Variants in MYH11 observed in about 807,000 individuals in gnomAD.
MYH11 encodes the protein myosin-11.
In MYH11, 80 loss-of-function variants were observed where a neutral mutation model predicts 246.6. That is an observed-to-expected ratio of 0.32 (90% CI 0.27 to 0.39). The LOEUF (loss-of-function observed/expected upper bound fraction) is 0.39, where lower values mean the gene tolerates loss of function less well. Ranked by LOEUF, MYH11 falls within the 10% of genes least tolerant of loss-of-function variation. The pLI, the probability that MYH11 is intolerant of heterozygous loss-of-function variation, is 1.00. For synonymous variants in MYH11, 1,071 were observed against 1,015.5 expected, an observed-to-expected ratio of 1.05 and a Z score of -1.04; for missense variants, 2,158 against 2,546.8, an observed-to-expected ratio of 0.85 and a Z score of 3.29.
At position 15,715,078 on chromosome 16, in the gene MYH11, C is replaced by T; in HGVS notation, c.5617G>A (p.Glu1873Lys). The T allele has an allele frequency of 6.2e-7, 1 of 1,612,932 alleles. No homozygotes were observed. Among genetic ancestry groups the T allele is most frequent in the Non-Finnish European group, 8.5e-7 (1 of 1,180,006 alleles). Residue 1873 changes from glutamate (E) to lysine (K), a missense_variant, in exon 40 of 41, where the codon GAG (glutamate) becomes AAG (lysine). This residue lies in a region of MYH11 where 1,013 missense variants were observed against 993.5 expected (regional missense o/e 1.02). Transcript: ENST00000300036. ...TGCTTGACCCTGGCATTGCCTTTCT[C>T]TGCCTGTCGCGGAGAGTTGGAGGGG... ...KMAEQYKEQAEKGNARVKQLK... is the reference protein window; with the variant it reads ...KMAEQYKEQAKKGNARVKQLK...
intron 9 of MYH11, among the ~76,000 whole-genome samples, chr16:15,766,388 T>TGTGTGTGTGA (rs1555564409): frequency 1.0e-5 from 1 of 99,818 alleles, no homozygotes; most frequent in Non-Finnish European, 2.5e-5. Flanking sequence ...TGTGTGTGTG[T>TGTGTGTGTGA]GAGACTGAGT....
intron 22 of MYH11, among the ~76,000 whole-genome samples, chr16:15,740,411 C>T (rs965475457): frequency 5.3e-5 from 8 of 151,908 alleles, no homozygotes; most frequent in African/African-American, 1.9e-4. Flanking sequence ...AATTCAAGAC[C>T]AGCCTGGCCA....
intron 32 of MYH11, 185 bp downstream of exon 32, chr16:15,721,237 C>T (rs2040460956): frequency 2.1e-6 from 2 of 935,278 alleles, no homozygotes; most frequent in Admixed American, 4.0e-5. Context: ...CCCCCCAACT[C>T]AGACCCATCC....
chr16:15,726,838 ACCT>A lies in MYH11; in HGVS notation c.3858+7_3858+9del. On this transcript the variant is annotated splice_region_variant and intron_variant, in intron 28 of 40. Transcript: ENST00000300036. ...GCACTGCCCACCACACCACCGCGCC[ACCT>A]CCTCACCTGCAGCTTGTGGACTTTG... 1.2e-6 allele frequency: 2 copies of A among 1,610,490 alleles called. No homozygotes were observed. Among genetic ancestry groups the A allele is most frequent in the African/African-American group, 2.7e-5 (2 of 74,636 alleles).
chr16:15,738,603 A>T lies in MYH11; in HGVS notation c.3083T>A (p.Leu1028Gln). 1 of 1,613,988 alleles carries T rather than the reference A, an allele frequency of 6.2e-7. No homozygotes were observed. Among genetic ancestry groups the T allele is most frequent in the Non-Finnish European group, 8.5e-7 (1 of 1,179,974 alleles). ...AATCATAGATTCATGCTTGTTTTTC[A>T]GCTTGGTAAGATTCTTGGCCTTTTC... is the stretch of plus-strand genomic sequence containing the variant. ...EEEKAKNLTK[L>Q]KNKHESMISE... Residue 1028 changes from leucine to glutamine, a missense_variant, in exon 24 of 41, where the codon CTG becomes CAG. Transcript: ENST00000300036.
chr16:15,739,972 C>A, intron 23 of MYH11, 79 bp downstream of exon 23: 1 of 1,494,482 alleles, frequency 6.7e-7, no homozygotes, highest in South Asian at 1.1e-5. Flanking sequence ...AAACTCCTGG[C>A]CTCAAGTGAT....
At chr16:15,748,274 A>G (rs1356046707) in intron 16 of MYH11, 106 bp from the exon 17 acceptor site, 15 of 1,560,010 alleles carry the variant, frequency 9.6e-6, no homozygotes, top group African/African-American at 1.4e-5. Flanking sequence ...CCATGAGGGT[A>G]CCAACAGAAG....
At position 15,715,276 on chromosome 16, in the gene MYH11, C is replaced by T. The variant is rs745670874; in HGVS notation, c.5505-4G>A. 1 of 1,614,016 alleles carries T rather than the reference C, an allele frequency of 6.2e-7. No individual in the cohort carries two copies. The highest frequency in any genetic ancestry group is 8.5e-7 in the Non-Finnish European group (1 of 1,179,980). ...CTTGGTGGCCGCCTGTTTCTCTCTGCAAACAGCAAGGAAAACAGGTGGTTT... is the reference window on the plus strand; with the variant it reads ...CTTGGTGGCCGCCTGTTTCTCTCTGTAAACAGCAAGGAAAACAGGTGGTTT... On this transcript the variant is annotated splice_polypyrimidine_tract_variant and splice_region_variant and intron_variant, in intron 38 of 40. Coordinates refer to ENST00000300036, the MANE Select transcript of MYH11 (RefSeq NM_002474.3).
chr16:15,829,511 C>T (rs1008833010), intron 2 of MYH11, among the ~76,000 whole-genome samples: 4 of 152,182 alleles, frequency 2.6e-5, no homozygotes, highest in African/African-American at 9.7e-5. Flanking sequence ...AGCCACTTCT[C>T]CTTCACCTCG....
At chr16:15,777,090 T>TACACATGCAGACATACAC (rs1329920029) in intron 7 of MYH11, among the ~76,000 whole-genome samples, 1 of 133,200 alleles carries the variant, frequency 7.5e-6, no homozygotes, top group African/African-American at 3.2e-5. Context: ...TACATGGGTA[T>TACACATGCAGACATACAC]ACACACGCAC....
intron 3 of MYH11, among the ~76,000 whole-genome samples, chr16:15,807,256 T>C (rs1348232747): frequency 6.6e-6 from 1 of 152,104 alleles, no homozygotes; most frequent in East Asian, 1.9e-4. Flanking sequence ...GCCTCCCAAG[T>C]AACTGAAATC....
At chr16:15,781,213 C>T (rs561865995) in intron 6 of MYH11, among the ~76,000 whole-genome samples, 2 of 152,316 alleles carry the variant, frequency 1.3e-5, no homozygotes, top group East Asian at 3.9e-4. Flanking sequence ...GCCTGAAATG[C>T]ACACTTTCAT....
chr16:15,811,783 C>T (rs1234246169), intron 3 of MYH11, among the ~76,000 whole-genome samples: 1 of 152,066 alleles, frequency 6.6e-6, no homozygotes, highest in Non-Finnish European at 1.5e-5. Context: ...AGGAATTAGC[C>T]AAGAGCCCCA....
chr16:15,849,326 C>T (rs2044274236), intron 1 of MYH11, among the ~76,000 whole-genome samples: 1 of 152,192 alleles, frequency 6.6e-6, no homozygotes, highest in Middle Eastern at 3.2e-3. Context: ...GTCACCTCGT[C>T]CAACTTTCTC....
intron 26 of MYH11, among the ~76,000 whole-genome samples, chr16:15,734,847 T>G (rs2041068265): frequency 6.6e-6 from 1 of 152,130 alleles, no homozygotes; most frequent in Non-Finnish European, 1.5e-5. Context: ...AGCCAAAAGA[T>G]TGTACATCCC....
rs1422171942 is a variant in MYH11, at chr16:15,765,316, C to T, written c.1034-1425G>A. ...GAATAATTCATGGATAGAGGATAGA[C>T]GGATGATGGATGGATGGATAGAGGA... On this transcript the variant is annotated intron_variant, in intron 9 of 40. Coordinates refer to ENST00000300036, the MANE Select transcript of MYH11 (RefSeq NM_002474.3). 8.7e-5 allele frequency among the ~76,000 whole-genome samples: 13 copies of T among 149,544 alleles called. No homozygotes were observed. The East Asian group carries it at 1.7e-3, about 20-fold the overall frequency.
intron 38 of MYH11, 85 bp downstream of exon 38, chr16:15,717,055 C>G: frequency 7.1e-7 from 1 of 1,414,970 alleles, no homozygotes; most frequent in Non-Finnish European, 1.0e-6. Flanking sequence ...AGAACTGATG[C>G]TGGAAGAGGT....
intron 3 of MYH11, among the ~76,000 whole-genome samples, chr16:15,819,495 GAACCACC>G (rs1261299525): frequency 3.3e-5 from 5 of 152,198 alleles, no homozygotes; most frequent in African/African-American, 1.2e-4. Flanking sequence ...GACTCTTATA[GAACCACC>G]AACCCTACTG....
chr16:15,711,940 G>C (rs554614949), intron 40 of MYH11, among the ~76,000 whole-genome samples: 3 of 152,288 alleles, frequency 2.0e-5, no homozygotes, highest in Admixed American at 1.3e-4. Context: ...TGATCAGCCT[G>C]CGTTGGCCTC....
Sources: gnomAD v4.1 joint callset for allele counts (sites outside exome capture counted in the v4.1 genomes callset) on GRCh38, gnomAD v4.1.1 for gene constraint, gnomAD v4.1.1 regional missense constraint, MANE v1.5 for transcripts, NCBI Gene and HGNC (gene_info 2026-07-23, HGNC 2026-07-21) for gene names.